Variants in ADAMTS3 observed in about 807,000 individuals in gnomAD.
The protein encoded by ADAMTS3 is A disintegrin and metalloproteinase with thrombospondin motifs 3.
In ADAMTS3, 73 loss-of-function variants were observed where a neutral mutation model predicts 129.0. That is an observed-to-expected ratio of 0.57 (90% CI 0.47 to 0.69). The LOEUF (loss-of-function observed/expected upper bound fraction) is 0.69. Ranked by LOEUF, ADAMTS3 falls within the 30% of genes least tolerant of loss-of-function variation. ADAMTS3 has a pLI of 0.00. For missense variants in ADAMTS3, 1,457 were observed against 1,514.5 expected (o/e 0.96, Z 0.63); for synonymous variants, 477 against 510.8 (o/e 0.93, Z 0.89).
intron 3 of ADAMTS3, among the ~76,000 whole-genome samples, chr4:72,488,861 C>A (rs1249367731): frequency 6.6e-6 from 1 of 151,798 alleles, no homozygotes; most frequent in Non-Finnish European, 1.5e-5. Flanking sequence ...ACTATAGTCA[C>A]CAGAACTTAG....
intron 4 of ADAMTS3, among the ~76,000 whole-genome samples, chr4:72,357,532 C>T (rs1720611537): frequency 6.6e-6 from 1 of 151,946 alleles, no homozygotes; most frequent in African/African-American, 2.4e-5. Context: ...AGTAAATACT[C>T]TCTAATTCAA....
At position 72,472,250 on chromosome 4, in the gene ADAMTS3, G is replaced by A. The variant is rs575974548; in HGVS notation, c.505-57279C>T. Among the ~76,000 whole-genome samples, 308 of 152,120 alleles carry A rather than the reference G, an allele frequency of 2.0e-3. 3 individuals are homozygous for A. Among genetic ancestry groups the A allele is most frequent in the African/African-American group, 7.2e-3 (299 of 41,530 alleles). Reference sequence around the variant, plus strand: ...TAAGGCCAAAATTCCATGCCCCTTAGAAGAAAAGAAACTTATAAAAACCAA... The same window carrying A: ...TAAGGCCAAAATTCCATGCCCCTTAAAAGAAAAGAAACTTATAAAAACCAA... On this transcript the variant is annotated intron_variant, in intron 3 of 21. Coordinates refer to ENST00000286657, the MANE Select transcript of ADAMTS3 (RefSeq NM_014243.3).
Position 72,331,098 on chromosome 4 carries a change from T to C in ADAMTS3, c.862-8001A>G, listed in dbSNP as rs1719839757. 1.3e-5 allele frequency among the ~76,000 whole-genome samples: 2 copies of C among 152,184 alleles called. 1 individual carries two copies. Among genetic ancestry groups the C allele is most frequent in the Non-Finnish European group, 2.9e-5 (2 of 68,028 alleles). ...GCAAAGGGGGAAAGGAAGAGGCAAC[T>C]GAGACGCTTCAGTAAAAATCGAAGG... On this transcript the variant is annotated intron_variant, in intron 5 of 21. Transcript: ENST00000286657.
At chr4:72,325,304 C>A (rs1033096168) in intron 5 of ADAMTS3, among the ~76,000 whole-genome samples, 12 of 152,082 alleles carry the variant, frequency 7.9e-5, no homozygotes, top group Non-Finnish European at 1.6e-4. Context: ...TGGGCTGATT[C>A]TCTTATCTTA....
In ADAMTS3 at chr4:72,326,070, T is replaced by G. The variant is rs192671749; in HGVS notation, c.862-2973A>C. Among the ~76,000 whole-genome samples the G allele has an allele frequency of 1.6e-3, 251 of 152,254 alleles. 1 individual carries two copies. Among genetic ancestry groups the G allele is most frequent in the Admixed American group, 6.2e-3 (95 of 15,290 alleles). ...AAAAGTATTACTTAACAAAAGTCAC[T>G]ATTATGCCAGGCTAATTAGAAAACA... On this transcript the variant is annotated intron_variant, in intron 5 of 21. Coordinates refer to ENST00000286657, the MANE Select transcript of ADAMTS3 (RefSeq NM_014243.3).
At chr4:72,540,059 G>A (rs981449618) in intron 3 of ADAMTS3, among the ~76,000 whole-genome samples, 2 of 152,184 alleles carry the variant, frequency 1.3e-5, no homozygotes, top group Non-Finnish European at 2.9e-5. Context: ...GGGTGGGACA[G>A]TTTGAAGGGC....
chr4:72,528,952 G>C (rs1452030906), intron 3 of ADAMTS3, among the ~76,000 whole-genome samples: 1 of 152,066 alleles, frequency 6.6e-6, no homozygotes, highest in Non-Finnish European at 1.5e-5. Context: ...AGATAAACTT[G>C]AGATGCCAAT....
At chr4:72,328,668 G>A (rs1719759018) in intron 5 of ADAMTS3, among the ~76,000 whole-genome samples, 1 of 148,700 alleles carries the variant, frequency 6.7e-6, no homozygotes, top group Non-Finnish European at 1.5e-5. Flanking sequence ...TATAGGTACA[G>A]TACTTGATGC....
chr4:72,530,480 A>G lies in ADAMTS3; in HGVS notation c.504+17998T>C, dbSNP rs1391925963. 9.4e-3 allele frequency among the ~76,000 whole-genome samples: 844 copies of G among 89,608 alleles called. 4 individuals are homozygous for G. Among genetic ancestry groups the G allele is most frequent in the Non-Finnish European group, 0.014 (723 of 52,474 alleles). 58.8% of individuals were successfully genotyped at this position (89,608 alleles called of 152,430 possible). On this transcript the variant is annotated intron_variant, in intron 3 of 21. Transcript: ENST00000286657. ...TATATTAAATATATTAATTTAATAT[A>G]TAAATATATATTTATATACAAATAT...
At chr4:72,539,737 G>C (rs1721274966) in intron 3 of ADAMTS3, among the ~76,000 whole-genome samples, 1 of 152,110 alleles carries the variant, frequency 6.6e-6, no homozygotes, top group African/African-American at 2.4e-5. Context: ...TCCTGATAGT[G>C]AATTAGTCTC....
intron 18 of ADAMTS3, 41 bp downstream of exon 18, chr4:72,298,225 TTGGTTTTTATA>T (rs754390401): frequency 6.8e-7 from 1 of 1,478,798 alleles, no homozygotes; most frequent in Non-Finnish European, 9.2e-7. Flanking sequence ...AGAAGCAAGA[TTGGTTTTTATA>T]TGCATTACAT....
At chr4:72,557,094 C>T (rs1357660347) in intron 2 of ADAMTS3, among the ~76,000 whole-genome samples, 2 of 151,844 alleles carry the variant, frequency 1.3e-5, no homozygotes, top group East Asian at 3.9e-4. Flanking sequence ...TTCACACAGG[C>T]AATTTCTTTT....
intron 3 of ADAMTS3, among the ~76,000 whole-genome samples, chr4:72,459,205 C>G (rs1156657978): frequency 1.3e-5 from 2 of 151,536 alleles, no homozygotes; most frequent in African/African-American, 4.8e-5. Flanking sequence ...AGTTAGGGAA[C>G]AGACAAATCA....
intron 4 of ADAMTS3, among the ~76,000 whole-genome samples, chr4:72,347,235 T>G (rs28399114): frequency 9.9e-5 from 15 of 151,774 alleles, no homozygotes; most frequent in Non-Finnish European, 1.9e-4. Context: ...CTTTTCAGTT[T>G]CACAAACCAA....
chr4:72,330,120 G>A (rs1248631152), intron 5 of ADAMTS3, among the ~76,000 whole-genome samples: 1 of 152,116 alleles, frequency 6.6e-6, no homozygotes, highest in African/African-American at 2.4e-5. Flanking sequence ...CTGGGTTCAA[G>A]CAATTCTTCT....
intron 5 of ADAMTS3, among the ~76,000 whole-genome samples, chr4:72,323,848 T>A (rs933933128): frequency 6.6e-6 from 1 of 152,132 alleles, no homozygotes; most frequent in Non-Finnish European, 1.5e-5. Context: ...ACCTCAGAGG[T>A]CATAGTCCAA....
chr4:72,400,288 T>C (rs1408825925), intron 4 of ADAMTS3, among the ~76,000 whole-genome samples: 1 of 149,146 alleles, frequency 6.7e-6, no homozygotes, highest in African/African-American at 2.5e-5. Context: ...ATGGTGTGTG[T>C]GTATATACGT....
intron 3 of ADAMTS3, among the ~76,000 whole-genome samples, chr4:72,442,603 G>A (rs981034693): frequency 6.6e-6 from 1 of 151,668 alleles, no homozygotes; most frequent in Non-Finnish European, 1.5e-5. Context: ...CCACCAGACC[G>A]CAACTCCATC....
At chr4:72,480,410 T>C (rs995602863) in intron 3 of ADAMTS3, among the ~76,000 whole-genome samples, 14 of 151,984 alleles carry the variant, frequency 9.2e-5, no homozygotes, top group African/African-American at 3.1e-4. Flanking sequence ...ATGGATGAAA[T>C]TGGAAATCAT....
Sources: gnomAD v4.1 joint callset for allele counts (sites outside exome capture counted in the v4.1 genomes callset) on GRCh38, gnomAD v4.1.1 for gene constraint, MANE v1.5 for transcripts, NCBI Gene and HGNC (gene_info 2026-07-23, HGNC 2026-07-21) for gene names.